ANXA11: variants seen among roughly 807,000 people sequenced by gnomAD.
The protein encoded by ANXA11 is annexin A11.
Under a neutral mutation model 64.7 loss-of-function variants are expected in ANXA11, and 57 were observed. That is an observed-to-expected ratio of 0.88 (90% CI 0.71 to 1.10). ANXA11 has a LOEUF of 1.10. Ranked by LOEUF, ANXA11 falls within the 50% of genes least tolerant of loss-of-function variation. ANXA11 has a pLI of 0.00. For missense variants in ANXA11, 675 were observed against 670.7 expected, an observed-to-expected ratio of 1.01 and a Z score of -0.07; for synonymous variants, 260 against 265.2, an observed-to-expected ratio of 0.98 and a Z score of 0.19.
chr10:80,163,487 T>C (rs765123098), intron 10 of ANXA11, 47 bp downstream of exon 10: 3 of 1,605,932 alleles, frequency 1.9e-6, no homozygotes, highest in East Asian at 2.2e-5. Flanking sequence ...CCCATCTCTT[T>C]GACTTCCATG....
rs940269126 is a variant in ANXA11 at position 80,191,695 on chromosome 10, A to G, written c.-58+13648T>C. ...GTGTGCTAACTTGAATTACCAATCAACATGAGTCACCAGGGGACTTGGGCC... is the reference window on the plus strand; with the variant it reads ...GTGTGCTAACTTGAATTACCAATCAGCATGAGTCACCAGGGGACTTGGGCC... On this transcript the variant is annotated intron_variant, in intron 1 of 15. Coordinates refer to ENST00000422982, the MANE Select transcript of ANXA11 (RefSeq NM_145868.2). Among the ~76,000 whole-genome samples, 5 of 152,190 alleles carry G rather than the reference A, an allele frequency of 3.3e-5. No individual in the cohort carries two copies. The East Asian group carries it at 7.7e-4, about 23-fold the overall frequency.
rs1177708499 is a variant in ANXA11, at chr10:80,153,062, C to T, written c.*2791G>A. On this transcript the variant is annotated 3_prime_UTR_variant, in exon 16 of 16. Coordinates refer to ENST00000422982, the MANE Select transcript of ANXA11 (RefSeq NM_145868.2). Reference sequence around the variant, plus strand: ...CCTGTGACCTAAACTCGCTGAGTCACTCTGGCCTGGATATCCACCTTGGTC... The same window carrying T: ...CCTGTGACCTAAACTCGCTGAGTCATTCTGGCCTGGATATCCACCTTGGTC... 1.3e-5 allele frequency: 2 copies of T among 152,222 alleles called. No homozygotes were observed. Among genetic ancestry groups the T allele is most frequent in the African/African-American group, 4.8e-5 (2 of 41,440 alleles). 9.4% of individuals were successfully genotyped at this position (152,222 alleles called of 1,614,324 possible).
intron 1 of ANXA11, among the ~76,000 whole-genome samples, chr10:80,176,692 T>G (rs560207308): frequency 5.6e-4 from 85 of 152,296 alleles, no homozygotes; most frequent in Middle Eastern, 3.4e-3. Context: ...CCAGGCAGCC[T>G]TGGTAACCCT....
chr10:80,153,586 T>C lies in ANXA11; in HGVS notation c.*2267A>G, dbSNP rs1246757727. On this transcript the variant is annotated 3_prime_UTR_variant, in exon 16 of 16. Coordinates refer to ENST00000422982, the MANE Select transcript of ANXA11 (RefSeq NM_145868.2). ...GTCACCTTGAGTTCATGGCAAGTTG[T>C]ATATGCCAAGCACCCCATCCCATCA... is the stretch of plus-strand genomic sequence containing the variant. 2 of 152,242 alleles carry C rather than the reference T, an allele frequency of 1.3e-5. No individual in the cohort carries two copies. The highest frequency in any genetic ancestry group is 2.4e-5 in the African/African-American group (1 of 41,458). 9.4% of individuals were successfully genotyped at this position (152,242 alleles called of 1,614,324 possible).
At chr10:80,193,811 CAAA>C (rs546354623) in intron 1 of ANXA11, among the ~76,000 whole-genome samples, 14 of 114,490 alleles carry the variant, frequency 1.2e-4, no homozygotes, top group Non-Finnish European at 1.1e-4. Flanking sequence ...GACTCTGTCT[CAAA>C]AAAAAAAAAA....
chr10:80,186,993 G>A (rs1235763942), intron 1 of ANXA11, among the ~76,000 whole-genome samples: 1 of 152,250 alleles, frequency 6.6e-6, no homozygotes, highest in African/African-American at 2.4e-5. Context: ...AGCAGAGGAA[G>A]AAAGTGACAG....
At chr10:80,195,350 C>A (rs1846940727) in intron 1 of ANXA11, among the ~76,000 whole-genome samples, 1 of 152,226 alleles carries the variant, frequency 6.6e-6, no homozygotes, top group African/African-American at 2.4e-5. Flanking sequence ...CTGCAGCTCA[C>A]TCTGGAGGAG....
In ANXA11 at chr10:80,154,257, A is replaced by G. The variant is rs1845210309; in HGVS notation, c.*1596T>C. On this transcript the variant is annotated 3_prime_UTR_variant, in exon 16 of 16. Coordinates refer to ENST00000422982, the MANE Select transcript of ANXA11 (RefSeq NM_145868.2). ...GCTGGGATTACAGGAATGTGCCACC[A>G]TGCCTGGCTAATTTTTGTATTTTTA... The G allele has an allele frequency of 6.6e-6, 1 of 152,090 alleles. No individual in the cohort carries two copies. Among genetic ancestry groups the G allele is most frequent in the African/African-American group, 2.4e-5 (1 of 41,374 alleles). The allele number at this position is 152,090 out of a possible 1,614,324, so 9.4% of individuals were successfully genotyped here.
rs11201972 is a variant in ANXA11 at position 80,172,924 on chromosome 10, C to G, written c.-8-55G>C. The G allele has an allele frequency of 2.6e-6, 4 of 1,545,634 alleles. No individual in the cohort carries two copies. In the African/African-American group the frequency reaches 5.4e-5, roughly 21 times the overall value. On this transcript the variant is annotated intron_variant, in intron 2 of 15. Transcript: ENST00000422982. ...CTCTGCCTGAGAGCCCCTGCTGGCC[C>G]GTGGGACCCAGCTTCTTGAAAGGGC...
intron 1 of ANXA11, among the ~76,000 whole-genome samples, chr10:80,188,153 C>A (rs993533776): frequency 2.6e-5 from 4 of 151,922 alleles, no homozygotes; most frequent in Non-Finnish European, 5.9e-5. Flanking sequence ...CACTCTAAAC[C>A]AGCTCCCCCA....
chr10:80,202,410 ATGGG>A (rs1840472117), intron 1 of ANXA11, among the ~76,000 whole-genome samples: 1 of 151,998 alleles, frequency 6.6e-6, no homozygotes, highest in South Asian at 2.1e-4. Flanking sequence ...TCTTTATTTC[ATGGG>A]TTATAGGAGA....
At chr10:80,179,919 T>C (rs939694289) in intron 1 of ANXA11, among the ~76,000 whole-genome samples, 1 of 152,214 alleles carries the variant, frequency 6.6e-6, no homozygotes, top group Non-Finnish European at 1.5e-5. Context: ...CTTCGGCCTC[T>C]CAAACATGGT....
intron 1 of ANXA11, among the ~76,000 whole-genome samples, chr10:80,176,981 CTTT>C (rs10699670): frequency 1.4e-5 from 2 of 140,184 alleles, no homozygotes; most frequent in African/African-American, 2.6e-5. Flanking sequence ...CTGCTCCCCA[CTTT>C]TTTTTTTTTT....
intron 1 of ANXA11, among the ~76,000 whole-genome samples, chr10:80,190,051 T>C (rs1278086513): frequency 1.2e-4 from 19 of 152,196 alleles, no homozygotes. Flanking sequence ...CTATATGAAG[T>C]CTCCAAAGGA....
chr10:80,160,144 T>A (rs1845449736), intron 12 of ANXA11, among the ~76,000 whole-genome samples: 1 of 152,250 alleles, frequency 6.6e-6, no homozygotes, highest in African/African-American at 2.4e-5. Context: ...CTGCTCTGTG[T>A]GTATCTGTCT....
Position 80,197,389 on chromosome 10 carries a change from T to C in ANXA11, c.-58+7954A>G, listed in dbSNP as rs532937356. ...ACTCAGAAAAGTACCAGCCACTCCA[T>C]AGGAGCCTTATGACCCTGTTTCTCT... On this transcript the variant is annotated intron_variant, in intron 1 of 15. Transcript: ENST00000422982. 2.3e-4 allele frequency among the ~76,000 whole-genome samples: 35 copies of C among 152,306 alleles called. No individual in the cohort carries two copies. In the South Asian group the frequency reaches 6.2e-3, roughly 27 times the overall value.
chr10:80,156,558 G>C (rs1445456172), intron 15 of ANXA11: 1 of 450,470 alleles, frequency 2.2e-6, no homozygotes, highest in Non-Finnish European at 4.5e-6. Context: ...CTGTCACCAA[G>C]ACTGAAGTGG....
At chr10:80,175,335 C>T (rs111745544) in intron 2 of ANXA11, among the ~76,000 whole-genome samples, 3 of 152,128 alleles carry the variant, frequency 2.0e-5, no homozygotes, top group Admixed American at 6.5e-5. Context: ...TCTCTGTCAC[C>T]TTCCTCTCTG....
chr10:80,186,400 C>G (rs571870723), intron 1 of ANXA11, among the ~76,000 whole-genome samples: 22 of 152,172 alleles, frequency 1.4e-4, no homozygotes, highest in Non-Finnish European at 1.6e-4. Context: ...GTTGGATTTT[C>G]CAGCCTCCCA....
Sources: allele counts gnomAD v4.1 joint callset (sites outside exome capture counted in the v4.1 genomes callset), GRCh38; gene constraint gnomAD v4.1.1; transcripts MANE v1.5; gene names NCBI Gene and HGNC (gene_info 2026-07-23, HGNC 2026-07-21).